The following COL22A1 variants were observed in gnomAD, a reference collection of about 807,000 sequenced individuals.
COL22A1 encodes the protein collagen type XXII alpha 1 chain.
Under a neutral mutation model 248.9 loss-of-function variants are expected in COL22A1, and 221 were observed. The ratio of observed to expected loss-of-function variants is 0.89; its 90% CI spans 0.80 to 0.99. The LOEUF (loss-of-function observed/expected upper bound fraction) is 0.99. Ranked by LOEUF, COL22A1 falls within the 50% of genes least tolerant of loss-of-function variation. The pLI is 0.00. For synonymous variants in COL22A1, 891 were observed against 793.4 expected, an observed-to-expected ratio of 1.12 and a Z score of -2.07; for missense variants, 2,240 against 2,179.0, an observed-to-expected ratio of 1.03 and a Z score of -0.56.
chr8:138,762,263 C>T (rs572515976), intron 17 of COL22A1, 150 bp downstream of exon 17: 66 of 698,256 alleles, frequency 9.5e-5, no homozygotes, highest in African/African-American at 5.4e-4. Context: ...GCCACACAGC[C>T]GGGGTCTGGT....
chr8:138,630,864 T>G, intron 49 of COL22A1, 116 bp from the exon 50 acceptor site: 1 of 905,864 alleles, frequency 1.1e-6, no homozygotes, highest in East Asian at 2.4e-5. Context: ...CCTCCAAATC[T>G]CATGTTGAAA....
intron 1 of COL22A1, among the ~76,000 whole-genome samples, chr8:138,901,106 A>G (rs1814517047): frequency 6.6e-6 from 1 of 151,706 alleles, no homozygotes; most frequent in Admixed American, 6.6e-5. Context: ...GAATAAAAGC[A>G]TTTACTTCAC....
At chr8:138,677,915 G>A (rs924099419) in intron 40 of COL22A1, among the ~76,000 whole-genome samples, 5 of 152,162 alleles carry the variant, frequency 3.3e-5, no homozygotes, top group South Asian at 2.1e-4. Flanking sequence ...TATGACAAAC[G>A]GAAACAGCCT....
intron 10 of COL22A1, among the ~76,000 whole-genome samples, chr8:138,805,999 T>TGATG (rs1563787790): frequency 9.0e-4 from 46 of 50,994 alleles, no homozygotes; most frequent in East Asian, 2.4e-3. Context: ...TGATGGTGTG[T>TGATG]GTGTGTGACG....
At chr8:138,694,801 G>A in intron 33 of COL22A1, 25 bp downstream of exon 33, 1 of 1,612,872 alleles carries the variant, frequency 6.2e-7, no homozygotes, top group Non-Finnish European at 8.5e-7. Flanking sequence ...CAGCCCTGCG[G>A]GGGAAGGGGA....
At chr8:138,699,759 C>T (rs1827802711) in intron 32 of COL22A1, among the ~76,000 whole-genome samples, 1 of 152,198 alleles carries the variant, frequency 6.6e-6, no homozygotes, top group African/African-American at 2.4e-5. Context: ...ATCTTTGCCT[C>T]TCTCTGACTC....
At chr8:138,740,446 G>A (rs1831464404) in intron 22 of COL22A1, among the ~76,000 whole-genome samples, 1 of 152,156 alleles carries the variant, frequency 6.6e-6, no homozygotes, top group African/African-American at 2.4e-5. Flanking sequence ...ATTTGGGGAT[G>A]CAGCAAGGTC....
At chr8:138,627,027 T>A (rs141899182) in intron 50 of COL22A1, among the ~76,000 whole-genome samples, 1 of 152,270 alleles carries the variant, frequency 6.6e-6, no homozygotes, top group African/African-American at 2.4e-5. Flanking sequence ...GGTGCCAGGT[T>A]TTACATTCTA....
At chr8:138,854,145 G>T (rs536736706) in intron 3 of COL22A1, among the ~76,000 whole-genome samples, 1 of 152,280 alleles carries the variant, frequency 6.6e-6, no homozygotes, top group East Asian at 1.9e-4. Context: ...AGGACAGAGG[G>T]AATATGCCAT....
At chr8:138,691,664 G>T (rs1209078232) in intron 35 of COL22A1, among the ~76,000 whole-genome samples, 1 of 149,832 alleles carries the variant, frequency 6.7e-6, no homozygotes, top group East Asian at 2.0e-4. Context: ...CATGTTTGTG[G>T]GGGTGTGTAT....
At chr8:138,760,498 A>C (rs1372323790) in intron 17 of COL22A1, among the ~76,000 whole-genome samples, 1 of 152,144 alleles carries the variant, frequency 6.6e-6, no homozygotes, top group South Asian at 2.1e-4. Flanking sequence ...ATGCTTTCTC[A>C]TCTGCAGTTG....
intron 3 of COL22A1, among the ~76,000 whole-genome samples, chr8:138,871,784 C>CTA (rs1491203922): frequency 6.6e-6 from 1 of 152,146 alleles, no homozygotes; most frequent in Non-Finnish European, 1.5e-5. Context: ...CCATTCCCAA[C>CTA]TATATATATA....
At chr8:138,708,207 C>G (rs1407853402) in intron 30 of COL22A1, among the ~76,000 whole-genome samples, 4 of 152,212 alleles carry the variant, frequency 2.6e-5, no homozygotes, top group Non-Finnish European at 5.9e-5. Context: ...AATGGCCATA[C>G]TGCCTAAGGT....
intron 16 of COL22A1, among the ~76,000 whole-genome samples, chr8:138,768,109 C>T (rs932931829): frequency 3.3e-5 from 5 of 152,166 alleles, no homozygotes; most frequent in Admixed American, 6.5e-5. Context: ...CCTGGCCCTC[C>T]GCCTCTGCCC....
At chr8:138,836,369 GCA>G (rs1214551373) in intron 4 of COL22A1, among the ~76,000 whole-genome samples, 1 of 152,216 alleles carries the variant, frequency 6.6e-6, no homozygotes, top group Non-Finnish European at 1.5e-5. Flanking sequence ...CAATGGCCCT[GCA>G]CAGTGTCTGC....
At chr8:138,610,527 T>C (rs1370292653) in intron 56 of COL22A1, among the ~76,000 whole-genome samples, 2 of 152,230 alleles carry the variant, frequency 1.3e-5, no homozygotes, top group Non-Finnish European at 2.9e-5. Context: ...GGAACTATTC[T>C]GTGTTTAAAA....
intron 35 of COL22A1, among the ~76,000 whole-genome samples, chr8:138,692,262 G>GGAGTGTGTGTGTACATGTGTGTA (rs1564201708): frequency 7.0e-6 from 1 of 143,596 alleles, no homozygotes; most frequent in African/African-American, 2.6e-5. Flanking sequence ...GTGTGCGTGT[G>GGAGTGTGTGTGTACATGTGTGTA]TGCATGTTTG....
intron 22 of COL22A1, among the ~76,000 whole-genome samples, chr8:138,751,023 A>T (rs1318722324): frequency 6.6e-6 from 1 of 151,854 alleles, no homozygotes; most frequent in Non-Finnish European, 1.5e-5. Flanking sequence ...AAATACCATG[A>T]GATATCATAT....
At position 138,725,467 on chromosome 8, in the gene COL22A1, T is replaced by C. The variant is rs1830229656; in HGVS notation, c.2140-27A>G. On this transcript the variant is annotated intron_variant, in intron 23 of 64. Coordinates refer to ENST00000303045, the MANE Select transcript of COL22A1 (RefSeq NM_152888.3). ...TGTAGAGAAAGAGCATTTGGTGGGC[T>C]ACAGATGGGTCCTGATGAGCCTCCT... The C allele has an allele frequency of 1.9e-6, 3 of 1,607,408 alleles. No individual in the cohort carries two copies. The African/African-American group carries it at 4.0e-5, about 22-fold the overall frequency.
Sources: gnomAD v4.1 joint callset for allele counts (sites outside exome capture counted in the v4.1 genomes callset) on GRCh38, gnomAD v4.1.1 for gene constraint, MANE v1.5 for transcripts, NCBI Gene and HGNC (gene_info 2026-07-23, HGNC 2026-07-21) for gene names.